Variants in FLT1 observed in about 807,000 individuals in gnomAD.
FLT1 encodes the protein vascular endothelial growth factor receptor 1.
Under a neutral mutation model 156.3 loss-of-function variants are expected in FLT1, and 49 were observed. That is an observed-to-expected ratio of 0.31 (90% CI 0.25 to 0.40). The LOEUF is 0.40. FLT1 is among the 10% of genes least tolerant of loss of function. The probability of loss-of-function intolerance (pLI) is 1.00; values close to 1 mark genes in which losing one functional copy is unlikely to be tolerated. For missense variants in FLT1, 1,322 were observed against 1,637.2 expected, an observed-to-expected ratio of 0.81 and a Z score of 3.32; for synonymous variants, 594 against 583.8, an observed-to-expected ratio of 1.02 and a Z score of -0.25.
chr13:28,385,995 A>AT (rs1874338559), intron 13 of FLT1: 1 of 1,051,550 alleles, frequency 9.5e-7, no homozygotes, highest in Non-Finnish European at 1.1e-6. Flanking sequence ...CTCCCAAGTC[A>AT]TTCCTTTCCC....
intron 3 of FLT1, among the ~76,000 whole-genome samples, chr13:28,460,797 TACACACACACACAC>T (rs369507550): frequency 2.7e-5 from 4 of 145,932 alleles, no homozygotes; most frequent in Non-Finnish European, 6.1e-5. Flanking sequence ...TCAGACCCAT[TACACACACACACAC>T]ACACACACAC....
intron 10 of FLT1, among the ~76,000 whole-genome samples, chr13:28,406,127 T>C (rs1875787716): frequency 6.6e-6 from 1 of 152,240 alleles, no homozygotes; most frequent in Non-Finnish European, 1.5e-5. Flanking sequence ...TACATCCTTT[T>C]CGTTGTAAAT....
At chr13:28,308,985 TCAGGAGACCACAGGCACCATATCC>T (rs1215141771) in intron 27 of FLT1, 58 bp from the exon 28 acceptor site, 7 of 980,440 alleles carry the variant, frequency 7.1e-6, no homozygotes, top group Non-Finnish European at 1.2e-5. Flanking sequence ...CTCTAATGAG[TCAGGAGACCACAGGCACCATATCC>T]CAGCTAAGAT....
chr13:28,456,168 T>G (rs909136119), intron 3 of FLT1, among the ~76,000 whole-genome samples: 1 of 152,180 alleles, frequency 6.6e-6, no homozygotes, highest in African/African-American at 2.4e-5. Flanking sequence ...AACCTGCACA[T>G]GGATGTTTAT....
intron 27 of FLT1, among the ~76,000 whole-genome samples, chr13:28,309,141 T>C (rs1044672836): frequency 3.3e-5 from 5 of 152,026 alleles, no homozygotes; most frequent in Admixed American, 3.3e-4. Context: ...TTCTGTAGGG[T>C]TGAGGAAACT....
chr13:28,330,066 A>G (rs980036053), intron 18 of FLT1, among the ~76,000 whole-genome samples: 1 of 152,258 alleles, frequency 6.6e-6, no homozygotes, highest in African/African-American at 2.4e-5. Flanking sequence ...AACCAGGTGC[A>G]GCAAGAACCC....
In FLT1 at chr13:28,431,212, T is replaced by C. The variant is rs751048551; in HGVS notation, c.912A>G (p.Lys304=). 18 of 1,613,642 alleles carry C rather than the reference T, an allele frequency of 1.1e-5. 1 individual carries two copies. The Admixed American group carries it at 2.2e-4, about 19-fold the overall frequency. The stretch of plus-strand genomic sequence containing the variant: ...CACGACAAGTATAAAGTCCTTTGTC[T>C]TTGTTCTGCATTTTGTCAATAGTAA... ...SVLTIDKMQN[K]DKGLYTCRVR... The change falls in exon 7 of 30, where the codon AAA becomes AAG. Residue 304 remains lysine, a synonymous_variant. Coordinates refer to ENST00000282397, the MANE Select transcript of FLT1 (RefSeq NM_002019.4).
At chr13:28,451,720 G>A (rs1041771663) in intron 3 of FLT1, among the ~76,000 whole-genome samples, 6 of 152,204 alleles carry the variant, frequency 3.9e-5, no homozygotes, top group Non-Finnish European at 8.8e-5. Flanking sequence ...GATGACCTGC[G>A]CCACCACGGG....
chr13:28,401,357 G>A (rs1385224001), intron 11 of FLT1, among the ~76,000 whole-genome samples: 1 of 152,138 alleles, frequency 6.6e-6, no homozygotes, highest in Non-Finnish European at 1.5e-5. Flanking sequence ...GATCCTTCAA[G>A]CCCATTCTCT....
chr13:28,438,079 A>G (rs1011857080), intron 4 of FLT1, 142 bp downstream of exon 4: 9 of 755,588 alleles, frequency 1.2e-5, no homozygotes, highest in Non-Finnish European at 2.1e-5. Flanking sequence ...ACTATTCCTT[A>G]TAGTAAAAGG....
chr13:28,309,010 C>T (rs975374800), intron 27 of FLT1, 83 bp from the exon 28 acceptor site: 4 of 798,604 alleles, frequency 5.0e-6, no homozygotes, highest in Non-Finnish European at 8.8e-6. Context: ...CACCATATCC[C>T]AGCTAAGATG....
intron 3 of FLT1, among the ~76,000 whole-genome samples, chr13:28,461,876 A>T (rs1879596221): frequency 6.6e-6 from 1 of 152,204 alleles, no homozygotes; most frequent in Non-Finnish European, 1.5e-5. Context: ...TTTTATGCAT[A>T]TGGGAAAATC....
chr13:28,420,849 C>T (rs1229730059), intron 10 of FLT1, among the ~76,000 whole-genome samples: 1 of 152,196 alleles, frequency 6.6e-6, no homozygotes, highest in African/African-American at 2.4e-5. Flanking sequence ...ATCCCTAACA[C>T]ATCCCTAATG....
chr13:28,378,956 G>A (rs1017205839), intron 14 of FLT1, among the ~76,000 whole-genome samples: 2 of 152,172 alleles, frequency 1.3e-5, no homozygotes, highest in Non-Finnish European at 2.9e-5. Flanking sequence ...ATGAAGTGAT[G>A]TGCTCAATGA....
chr13:28,350,529 G>A (rs903170389), intron 15 of FLT1, among the ~76,000 whole-genome samples: 1 of 152,104 alleles, frequency 6.6e-6, no homozygotes, highest in African/African-American at 2.4e-5. Flanking sequence ...CACAGCCTGG[G>A]CTGCATGGTC....
Position 28,473,729 on chromosome 13 carries a change from AGAAGGAAGGAAGGAAGGAAG to A in FLT1, c.65-6132_65-6113del, listed in dbSNP as rs1157781404. ...AAGAAAGAAAGAAAGAAAGAAAGAA[AGAAGGAAGGAAGGAAGGAAG>A]GAAGGAAGGAAGGAAGGAAGGAAGG... On this transcript the variant is annotated intron_variant, in intron 1 of 29. Transcript: ENST00000282397. Among the ~76,000 whole-genome samples, 382 of 84,256 alleles carry A rather than the reference AGAAGGAAGGAAGGAAGGAAG, an allele frequency of 4.5e-3. 19 individuals carry two copies. The highest frequency in any genetic ancestry group is 0.019 in the African/African-American group (354 of 18,550). 55.3% of individuals were successfully genotyped at this position (84,256 alleles called of 152,430 possible).
Position 28,377,046 on chromosome 13 carries a change from T to A in FLT1, c.2116+7839A>T, listed in dbSNP as rs117111025. 4.5e-4 allele frequency among the ~76,000 whole-genome samples: 68 copies of A among 152,368 alleles called. No individual in the cohort carries two copies. In the East Asian group the frequency reaches 0.012, roughly 27 times the overall value. On this transcript the variant is annotated intron_variant, in intron 14 of 29. Transcript: ENST00000282397. ...GGATTCATCTCTGACTTTGAACTCT[T>A]GTGTGGTGCTTCTTGGTATTAGTCC...
At chr13:28,379,060 G>C (rs1191244296) in intron 14 of FLT1, among the ~76,000 whole-genome samples, 1 of 152,050 alleles carries the variant, frequency 6.6e-6, no homozygotes, top group East Asian at 1.9e-4. Flanking sequence ...AGAATTAGTG[G>C]GGCTGGGCGT....
chr13:28,407,982 T>C (rs1875911249), intron 10 of FLT1, among the ~76,000 whole-genome samples: 1 of 152,204 alleles, frequency 6.6e-6, no homozygotes, highest in Non-Finnish European at 1.5e-5. Flanking sequence ...GTATTACAGG[T>C]ATGAGTGTAT....
Sources: allele counts gnomAD v4.1 joint callset (sites outside exome capture counted in the v4.1 genomes callset), GRCh38; gene constraint gnomAD v4.1.1; transcripts MANE v1.5; gene names NCBI Gene and HGNC (gene_info 2026-07-23, HGNC 2026-07-21).